Variants in DNAH14 observed in about 807,000 individuals in gnomAD.
The protein encoded by DNAH14 is axonemal beta dynein heavy chain 14.
DNAH14 carries 478 observed loss-of-function variants against 520.9 expected under a neutral mutation model. The observed-to-expected ratio is 0.92, with a 90% confidence interval of 0.85 to 0.99. The LOEUF is 0.99. Among genes scored for constraint, DNAH14 ranks in the 50% least tolerant of loss-of-function variants. DNAH14 has a pLI of 0.00. For synonymous variants in DNAH14, 1,581 were observed against 1,757.2 expected (o/e 0.90, Z 2.51); for missense variants, 4,831 against 5,234.5 (o/e 0.92, Z 2.38).
rs575028410 is a variant in DNAH14 at position 225,079,850 on chromosome 1, T to A, written c.2766+302T>A. 1.9e-4 allele frequency among the ~76,000 whole-genome samples: 29 copies of A among 151,950 alleles called. 1 individual carries two copies. The highest frequency in any genetic ancestry group is 7.0e-4 in the African/African-American group (29 of 41,450). On this transcript the variant is annotated intron_variant, in intron 18 of 85. Coordinates refer to ENST00000682510, the MANE Select transcript of DNAH14 (RefSeq NM_001367479.1). ...CACCACGCCCGGCTAATTTTTTGTA[T>A]TTTTAGTAGAGACGAGGTTTCACCG... is the stretch of plus-strand genomic sequence containing the variant.
intron 43 of DNAH14, among the ~76,000 whole-genome samples, chr1:225,249,029 C>T (rs1178517705): frequency 6.6e-6 from 1 of 152,138 alleles, no homozygotes; most frequent in Non-Finnish European, 1.5e-5. Context: ...CTGGCAAACA[C>T]CTTCACCTTA....
At chr1:225,047,737 G>A (rs1034782058) in intron 15 of DNAH14, among the ~76,000 whole-genome samples, 13 of 152,144 alleles carry the variant, frequency 8.5e-5, no homozygotes, top group Non-Finnish European at 7.4e-5. Flanking sequence ...CAGTGTTTGT[G>A]TTTATGTACA....
chr1:225,202,788 C>G (rs538018620), intron 38 of DNAH14, among the ~76,000 whole-genome samples: 1 of 152,292 alleles, frequency 6.6e-6, no homozygotes, highest in African/African-American at 2.4e-5. Flanking sequence ...ATGCCTCTGT[C>G]AGCCCCCAGC....
chr1:224,935,714 A>T (rs1373772762), intron 1 of DNAH14, among the ~76,000 whole-genome samples: 1 of 151,886 alleles, frequency 6.6e-6, no homozygotes, highest in Non-Finnish European at 1.5e-5. Context: ...AGACCAAATG[A>T]ACTTAACAAA....
Position 225,117,751 on chromosome 1 carries a change from A to G in DNAH14, c.3935A>G (p.Asp1312Gly), listed in dbSNP as rs2076977948. The change falls in exon 24 of 86, where the codon GAT (aspartate) becomes GGT (glycine). Residue 1312 changes from aspartate (D) to glycine (G), a missense_variant. Transcript: ENST00000682510. ...FYFLSNAELLDILADSRNPES... is the reference protein window; with the variant it reads ...FYFLSNAELLGILADSRNPES... Reference sequence around the variant, plus strand: ...TTTCTTAGCAATGCCGAGCTTCTTGATATTCTAGCTGATAGCAGAAATCCT... The same window carrying G: ...TTTCTTAGCAATGCCGAGCTTCTTGGTATTCTAGCTGATAGCAGAAATCCT... 1 of 1,551,028 alleles carries G rather than the reference A, an allele frequency of 6.4e-7. No homozygotes were observed. The highest frequency in any genetic ancestry group is 2.4e-5 in the East Asian group (1 of 40,882).
chr1:224,965,459 T>C (rs2061105863), intron 5 of DNAH14, among the ~76,000 whole-genome samples: 1 of 151,984 alleles, frequency 6.6e-6, no homozygotes, highest in South Asian at 2.1e-4. Flanking sequence ...GTAATAAATA[T>C]TTTAGATTTT....
chr1:225,094,686 ACAAAC>A (rs2074767368), intron 21 of DNAH14, among the ~76,000 whole-genome samples: 5 of 108,440 alleles, frequency 4.6e-5, no homozygotes, highest in African/African-American at 1.1e-4. Context: ...AAACAACAAA[ACAAAC>A]AAACAAAAAA....
At chr1:225,230,166 A>G (rs1450576401) in intron 41 of DNAH14, among the ~76,000 whole-genome samples, 2 of 152,182 alleles carry the variant, frequency 1.3e-5, no homozygotes, top group African/African-American at 4.8e-5. Flanking sequence ...AGGTGCATTC[A>G]TAGCAGAATT....
chr1:225,380,146 G>GTT lies in DNAH14; in HGVS notation c.12717-6_12717-5dup. The GTT allele has an allele frequency of 6.5e-7, 1 of 1,533,326 alleles. No individual in the cohort carries two copies. The highest frequency in any genetic ancestry group is 8.8e-7 in the Non-Finnish European group (1 of 1,137,800). 95.0% of individuals were successfully genotyped at this position (1,533,326 alleles called of 1,614,324 possible). ...TGTTCTGTGTCTCATTCTTCTCTTG[G>GTT]TTTTTTTTGCAGACCTGAGCAGAGT... is the stretch of plus-strand genomic sequence containing the variant. On this transcript the variant is annotated splice_polypyrimidine_tract_variant and intron_variant, in intron 79 of 85. Transcript: ENST00000682510.
chr1:225,008,350 G>T (rs1407866928), intron 10 of DNAH14, among the ~76,000 whole-genome samples: 1 of 152,090 alleles, frequency 6.6e-6, no homozygotes, highest in African/African-American at 2.4e-5. Context: ...TTGGTTCCAA[G>T]TATTTGCTAT....
At position 225,319,686 on chromosome 1, in the gene DNAH14, G is replaced by A. The variant is rs575131692; in HGVS notation, c.9335+1009G>A. ...CCCTCATTCTTATGCACTCAATTCA[G>A]CAAATATCTTGAGCACACATTAAGT... On this transcript the variant is annotated intron_variant, in intron 61 of 85. Coordinates refer to ENST00000682510, the MANE Select transcript of DNAH14 (RefSeq NM_001367479.1). 4.6e-5 allele frequency among the ~76,000 whole-genome samples: 7 copies of A among 152,218 alleles called. No homozygotes were observed. The South Asian group carries it at 1.2e-3, about 27-fold the overall frequency.
chr1:225,187,478 A>G (rs1473311771), intron 37 of DNAH14, among the ~76,000 whole-genome samples: 2 of 151,868 alleles, frequency 1.3e-5, no homozygotes, highest in African/African-American at 2.4e-5. Context: ...TTGAGTAGAC[A>G]TATGATTTCA....
chr1:225,176,231 G>A (rs2083319243), intron 36 of DNAH14, among the ~76,000 whole-genome samples: 1 of 151,828 alleles, frequency 6.6e-6, no homozygotes, highest in East Asian at 1.9e-4. Flanking sequence ...TGAGCACATT[G>A]TTTAATTTCC....
chr1:225,285,754 G>A (rs968831123), intron 54 of DNAH14, among the ~76,000 whole-genome samples: 10 of 152,024 alleles, frequency 6.6e-5, no homozygotes, highest in Admixed American at 3.3e-4. Context: ...CTACTCAGGA[G>A]GCTGAGGCAG....
At chr1:225,358,462 A>G (rs980684800) in intron 73 of DNAH14, 34 bp from the exon 74 acceptor site, 2 of 1,468,806 alleles carry the variant, frequency 1.4e-6, no homozygotes, top group African/African-American at 2.9e-5. Context: ...GGTGGCTTTT[A>G]ATTTTACCTT....
At chr1:225,331,230 G>C (rs2094791049) in intron 64 of DNAH14, among the ~76,000 whole-genome samples, 1 of 151,792 alleles carries the variant, frequency 6.6e-6, no homozygotes, top group South Asian at 2.1e-4. Context: ...GAAGCAAGAT[G>C]GCATTTAAAA....
chr1:225,268,458 A>C (rs1368415390), intron 49 of DNAH14, among the ~76,000 whole-genome samples: 1 of 152,224 alleles, frequency 6.6e-6, no homozygotes, highest in Non-Finnish European at 1.5e-5. Flanking sequence ...TATTCAACAT[A>C]GTTTTGGAAG....
At chr1:225,206,617 G>A (rs1350469028) in intron 40 of DNAH14, among the ~76,000 whole-genome samples, 1 of 152,146 alleles carries the variant, frequency 6.6e-6, no homozygotes, top group Non-Finnish European at 1.5e-5. Context: ...GAAGTTATTA[G>A]CTATAATTAA....
chr1:224,960,186 T>C lies in DNAH14; in HGVS notation c.251T>C (p.Met84Thr), dbSNP rs763133591. ...YLRESIIQQH[M>T]VSPEPASLKE... ...AGAGAAAGTATAATTCAACAACATA[T>C]GGTTTCTCCAGAGCCAGCTTCCCTT... is the stretch of plus-strand genomic sequence containing the variant. Residue 84 changes from methionine to threonine, a missense_variant, in exon 4 of 86, where the codon ATG becomes ACG. By Grantham distance (81) the Met-to-Thr change is moderately conservative. Transcript: ENST00000682510. The C allele has an allele frequency of 2.5e-6, 4 of 1,603,882 alleles. No homozygotes were observed. Among genetic ancestry groups the C allele is most frequent in the East Asian group, 2.2e-5 (1 of 44,774 alleles).
Sources: allele counts gnomAD v4.1 joint callset (sites outside exome capture counted in the v4.1 genomes callset), GRCh38; gene constraint gnomAD v4.1.1; transcripts MANE v1.5; gene names NCBI Gene and HGNC (gene_info 2026-07-23, HGNC 2026-07-21).